SLAIN1: variants seen among roughly 807,000 people sequenced by gnomAD.
SLAIN1 encodes the protein SLAIN family member 1.
SLAIN1 carries 17 observed loss-of-function variants against 55.4 expected under a neutral mutation model. The observed-to-expected ratio is 0.31, with a 90% CI of 0.21 to 0.46. The LOEUF (loss-of-function observed/expected upper bound fraction) is 0.46, where lower values mean the gene tolerates loss of function less well. Among genes scored for constraint, SLAIN1 ranks in the 20% least tolerant of loss-of-function variants. The pLI, the probability that SLAIN1 is intolerant of heterozygous loss-of-function variation, is 1.00. For synonymous variants in SLAIN1, 348 were observed against 337.4 expected, an observed-to-expected ratio of 1.03 and a Z score of -0.35; for missense variants, 682 against 785.1, an observed-to-expected ratio of 0.87 and a Z score of 1.57.
chr13:77,734,342 T>C (rs1378373126), intron 2 of SLAIN1, among the ~76,000 whole-genome samples: 3 of 152,170 alleles, frequency 2.0e-5, no homozygotes, highest in Admixed American at 1.3e-4. Context: ...GGACTAGAAG[T>C]TGGATTCCTC....
At chr13:77,743,987 T>A (rs1873633582) in intron 2 of SLAIN1, among the ~76,000 whole-genome samples, 1 of 152,038 alleles carries the variant, frequency 6.6e-6, no homozygotes, top group Non-Finnish European at 1.5e-5. Flanking sequence ...CAGTAGTGAA[T>A]TTTTTATTGT....
chr13:77,712,105 C>T (rs2091157638), intron 1 of SLAIN1, among the ~76,000 whole-genome samples: 1 of 152,172 alleles, frequency 6.6e-6, no homozygotes, highest in Non-Finnish European at 1.5e-5. Context: ...AACCCACAGC[C>T]AGTATCATAC....
At chr13:77,762,292 G>T (rs1019755136) in intron 6 of SLAIN1, among the ~76,000 whole-genome samples, 1 of 152,162 alleles carries the variant, frequency 6.6e-6, no homozygotes, top group Non-Finnish European at 1.5e-5. Flanking sequence ...CCTTGACTAT[G>T]TGTCTCCAAA....
chr13:77,744,252 T>A (rs754656195), intron 2 of SLAIN1, 31 bp from the exon 3 acceptor site: 1 of 1,479,142 alleles, frequency 6.8e-7, no homozygotes, highest in Non-Finnish European at 9.5e-7. Context: ...GTCCTGCAGA[T>A]GGAAGAACAC....
At chr13:77,740,763 CTTTT>C (rs573786491) in intron 2 of SLAIN1, among the ~76,000 whole-genome samples, 207 of 151,914 alleles carry the variant, frequency 1.4e-3, no homozygotes, top group African/African-American at 4.8e-3. Context: ...TTTACAAGTT[CTTTT>C]TGTTTGTTTT....
At chr13:77,750,519 CTTCT>C (rs1458927734) in intron 4 of SLAIN1, among the ~76,000 whole-genome samples, 1 of 152,028 alleles carries the variant, frequency 6.6e-6, no homozygotes, top group African/African-American at 2.4e-5. Context: ...GAGATGAATC[CTTCT>C]AATTCCTCCC....
intron 1 of SLAIN1, among the ~76,000 whole-genome samples, chr13:77,711,149 C>T (rs773625071): frequency 6.6e-6 from 1 of 151,688 alleles, no homozygotes; most frequent in African/African-American, 2.4e-5. Context: ...AGATCAACAC[C>T]CTAATATCAC....
chr13:77,704,122 A>G (rs199609384), intron 1 of SLAIN1, among the ~76,000 whole-genome samples: 13 of 23,434 alleles, frequency 5.5e-4, no homozygotes, highest in Admixed American at 1.8e-3. Flanking sequence ...GAAAATATAT[A>G]TACATATGTT....
chr13:77,763,221 T>C lies in SLAIN1; in HGVS notation c.*1T>C. 2 of 1,612,102 alleles carry C rather than the reference T, an allele frequency of 1.2e-6. No homozygotes were observed. The highest frequency in any genetic ancestry group is 1.1e-5 in the South Asian group (1 of 91,028). On this transcript the variant is annotated 3_prime_UTR_variant, in exon 7 of 7. Transcript: ENST00000418532. Reference sequence around the variant, plus strand: ...AAATTGGAGAGATGGTTGCTACTAATGCAGTTTTATGTACCCTTGAAAAAT... The same window carrying C: ...AAATTGGAGAGATGGTTGCTACTAACGCAGTTTTATGTACCCTTGAAAAAT...
At chr13:77,749,099 T>C (rs899136020) in intron 4 of SLAIN1, among the ~76,000 whole-genome samples, 1 of 152,168 alleles carries the variant, frequency 6.6e-6, no homozygotes, top group Non-Finnish European at 1.5e-5. Context: ...ATAAGAATGG[T>C]AACTTTGAAG....
chr13:77,717,664 C>T lies in SLAIN1; in HGVS notation c.627-1868C>T, dbSNP rs1239238241. 2.6e-5 allele frequency among the ~76,000 whole-genome samples: 4 copies of T among 152,092 alleles called. No homozygotes were observed. The East Asian group carries it at 5.8e-4, about 22-fold the overall frequency. ...CTGTTGGCTAGGATTGTGTCTGGGG[C>T]GTGGGCCTAAACCAGTCAGGCAAAG... is the stretch of plus-strand genomic sequence containing the variant. On this transcript the variant is annotated intron_variant, in intron 1 of 6. Coordinates refer to ENST00000418532, the MANE Select transcript of SLAIN1 (RefSeq NM_001242868.2).
At chr13:77,721,778 C>T (rs1358582313) in intron 2 of SLAIN1, among the ~76,000 whole-genome samples, 5 of 150,912 alleles carry the variant, frequency 3.3e-5, no homozygotes, top group South Asian at 4.2e-4. Flanking sequence ...TGGTTTTTCA[C>T]GTGTCACAAA....
At chr13:77,745,724 A>T (rs993785865) in intron 3 of SLAIN1, among the ~76,000 whole-genome samples, 1 of 152,152 alleles carries the variant, frequency 6.6e-6, no homozygotes, top group Non-Finnish European at 1.5e-5. Flanking sequence ...GATTTAATAG[A>T]TACATTTTTA....
At chr13:77,712,045 A>G (rs1215701147) in intron 1 of SLAIN1, among the ~76,000 whole-genome samples, 6 of 152,180 alleles carry the variant, frequency 3.9e-5, no homozygotes, top group African/African-American at 1.2e-4. Context: ...CTCTCAATAA[A>G]CTAGGTATTG....
At chr13:77,755,093 T>G (rs995234875) in intron 5 of SLAIN1, among the ~76,000 whole-genome samples, 7 of 152,186 alleles carry the variant, frequency 4.6e-5, no homozygotes, top group Non-Finnish European at 1.0e-4. Context: ...TACAATTCTA[T>G]GTCTGAATTA....
chr13:77,735,866 G>A (rs1481521141), intron 2 of SLAIN1, among the ~76,000 whole-genome samples: 2 of 151,426 alleles, frequency 1.3e-5, no homozygotes, highest in Non-Finnish European at 2.9e-5. Context: ...CCTTCCCTGT[G>A]GTTTCTAAAA....
rs1002320305 is a variant in SLAIN1, at chr13:77,698,409, C to A, written c.496C>A (p.Pro166Thr). The A allele has an allele frequency of 7.2e-7, 1 of 1,396,664 alleles. No homozygotes were observed. The allele number at this position is 1,396,664 out of a possible 1,614,324, so 86.5% of individuals were successfully genotyped here. A position where few individuals can be genotyped will look rare whatever the true frequency, so the allele number is the denominator to read the frequency against. ...FFGAGGGGPE[P>T]GGAGTPPGAA... Reference sequence around the variant, plus strand: ...CGGCGCGGGCGGTGGCGGGCCGGAGCCGGGGGGCGCGGGGACGCCGCCAGG... The same window carrying A: ...CGGCGCGGGCGGTGGCGGGCCGGAGACGGGGGGCGCGGGGACGCCGCCAGG... The change falls in exon 1 of 7, where the codon CCG (proline) becomes ACG (threonine). Residue 166 changes from proline (P) to threonine (T), a missense_variant. By Grantham distance (38) the Pro-to-Thr change is conservative. Transcript: ENST00000418532. The surrounding 1 kb of genome is among the most constrained non-coding windows in gnomAD (Gnocchi z 4.1).
chr13:77,719,608 C>T lies in SLAIN1; in HGVS notation c.703C>T (p.Leu235=). ...LTPLQWCRHV[L]DNPTPEMEAA... is the part of the protein sequence containing the mutation. ...TCCTTTGCAGTGGTGTAGACATGTC[C>T]TAGATAACCCAACTCCTGAGATGGA... Residue 235 remains leucine, a synonymous_variant, in exon 2 of 7, where the codon CTA becomes TTA. Coordinates refer to ENST00000418532, the MANE Select transcript of SLAIN1 (RefSeq NM_001242868.2). 6.2e-7 allele frequency: 1 copy of T among 1,613,466 alleles called. No homozygotes were observed. Among genetic ancestry groups the T allele is most frequent in the South Asian group, 1.1e-5 (1 of 91,034 alleles).
chr13:77,708,990 A>G (rs1421638439), intron 1 of SLAIN1, among the ~76,000 whole-genome samples: 1 of 151,990 alleles, frequency 6.6e-6, no homozygotes, highest in African/African-American at 2.4e-5. Context: ...ATGTTCTAAT[A>G]CAATGCAAGG....
Sources: gnomAD v4.1 joint callset for allele counts (sites outside exome capture counted in the v4.1 genomes callset) on GRCh38, gnomAD v4.1.1 for gene constraint, Gnocchi (gnomAD v3.1) non-coding constraint, MANE v1.5 for transcripts, NCBI Gene and HGNC (gene_info 2026-07-23, HGNC 2026-07-21) for gene names.